CWC27: variants seen among roughly 807,000 people sequenced by gnomAD.
CWC27 encodes the protein spliceosome-associated protein CWC27 homolog.
Under a neutral mutation model 63.6 loss-of-function variants are expected in CWC27, and 47 were observed. The ratio of observed to expected loss-of-function variants is 0.74; its 90% CI spans 0.58 to 0.94. CWC27 has a LOEUF of 0.94. Ranked by LOEUF, CWC27 falls within the 40% of genes least tolerant of loss-of-function variation. CWC27 has a pLI of 0.00. For synonymous variants in CWC27, 175 were observed against 179.8 expected (o/e 0.97, Z 0.22); for missense variants, 495 against 554.3 (o/e 0.89, Z 1.07).
chr5:64,971,774 A>G lies in CWC27; in HGVS notation c.1114A>G (p.Lys372Glu). Residue 372 changes from lysine to glutamate, a missense_variant, in exon 12 of 14, where the codon AAG (lysine) becomes GAG (glutamate). Coordinates refer to ENST00000381070, the MANE Select transcript of CWC27 (RefSeq NM_005869.4). ...REKQKYEALR[K>E]QQSKKGTSRE... ...AAAGCAAAAGTATGAAGCTTTGAGG[A>G]AGCAACAGTCAAAGAAGGGAACTTC... is the stretch of plus-strand genomic sequence containing the variant. 6.2e-7 allele frequency: 1 copy of G among 1,611,872 alleles called. No homozygotes were observed. Among genetic ancestry groups the G allele is most frequent in the Non-Finnish European group, 8.5e-7 (1 of 1,179,102 alleles).
intron 10 of CWC27, among the ~76,000 whole-genome samples, chr5:64,807,150 C>A (rs1265170474): frequency 6.6e-6 from 1 of 152,184 alleles, no homozygotes; most frequent in Non-Finnish European, 1.5e-5. Flanking sequence ...TTTGGTCATT[C>A]TTCCATTTAA....
chr5:64,953,398 C>T (rs1748746853), intron 11 of CWC27, among the ~76,000 whole-genome samples: 2 of 152,030 alleles, frequency 1.3e-5, no homozygotes, highest in South Asian at 4.1e-4. Flanking sequence ...AGTGACAGAG[C>T]TTGGAATAGA....
At chr5:64,825,090 T>A (rs1444983715) in intron 10 of CWC27, among the ~76,000 whole-genome samples, 1 of 152,116 alleles carries the variant, frequency 6.6e-6, no homozygotes, top group Non-Finnish European at 1.5e-5. Context: ...TGTGGATACA[T>A]TTAAGAAGTA....
chr5:64,864,413 T>C (rs981122831), intron 10 of CWC27, among the ~76,000 whole-genome samples: 11 of 152,132 alleles, frequency 7.2e-5, no homozygotes, highest in Non-Finnish European at 1.0e-4. Flanking sequence ...GTTTCTGAAG[T>C]GGGTGGCAGT....
At chr5:64,929,048 T>A (rs1016665921) in intron 11 of CWC27, among the ~76,000 whole-genome samples, 1 of 151,964 alleles carries the variant, frequency 6.6e-6, no homozygotes, top group Non-Finnish European at 1.5e-5. Context: ...TAATAATACA[T>A]GTGTTGATGT....
chr5:64,970,958 A>AGTGTGTGTGTGTGTGTGTGT (rs57958257), intron 11 of CWC27, among the ~76,000 whole-genome samples: 1 of 143,410 alleles, frequency 7.0e-6, no homozygotes, highest in Non-Finnish European at 1.5e-5. Flanking sequence ...AGAGAGAGGG[A>AGTGTGTGTGTGTGTGTGTGT]GTGTGTGTGT....
intron 11 of CWC27, among the ~76,000 whole-genome samples, chr5:64,889,179 A>G (rs1747159889): frequency 6.6e-6 from 1 of 152,208 alleles, no homozygotes; most frequent in South Asian, 2.1e-4. Flanking sequence ...CATGGCAAAT[A>G]AATGCAGTTC....
At chr5:64,879,954 C>T (rs1365155594) in intron 10 of CWC27, among the ~76,000 whole-genome samples, 3 of 151,896 alleles carry the variant, frequency 2.0e-5, no homozygotes, top group African/African-American at 7.2e-5. Context: ...TATACAATAG[C>T]CAAATACCTT....
chr5:64,891,734 G>A (rs1747241687), intron 11 of CWC27, among the ~76,000 whole-genome samples: 1 of 151,822 alleles, frequency 6.6e-6, no homozygotes, highest in African/African-American at 2.4e-5. Context: ...TTAAATTCTG[G>A]GTCATCTTGC....
Position 65,018,383 on chromosome 5 carries a change from A to G in CWC27, c.*62A>G, listed in dbSNP as rs573061191. 394 of 1,416,094 alleles carry G rather than the reference A, an allele frequency of 2.8e-4. No homozygotes were observed. Among genetic ancestry groups the G allele is most frequent in the Non-Finnish European group, 3.5e-4 (365 of 1,042,190 alleles). 87.7% of individuals were successfully genotyped at this position (1,416,094 alleles called of 1,614,324 possible). On this transcript the variant is annotated 3_prime_UTR_variant, in exon 14 of 14. Coordinates refer to ENST00000381070, the MANE Select transcript of CWC27 (RefSeq NM_005869.4). ...TGCCTACAATGGCCTTGTAACAGCC[A>G]TTGTTCCCAACAGCATCACTTAGGG...
intron 11 of CWC27, among the ~76,000 whole-genome samples, chr5:64,964,267 G>A (rs1030026650): frequency 1.3e-5 from 2 of 152,146 alleles, no homozygotes; most frequent in Non-Finnish European, 2.9e-5. Context: ...TCTTATGGAT[G>A]GAATTGATGG....
chr5:64,983,983 C>A (rs1392989592), intron 13 of CWC27, among the ~76,000 whole-genome samples: 2 of 151,954 alleles, frequency 1.3e-5, no homozygotes, highest in Non-Finnish European at 2.9e-5. Flanking sequence ...AGGTGCGCAC[C>A]ACCACGCCCG....
Position 64,986,146 on chromosome 5 carries a change from T to C in CWC27, c.1256+8908T>C, listed in dbSNP as rs564610926. On this transcript the variant is annotated intron_variant, in intron 13 of 13. Transcript: ENST00000381070. Reference sequence around the variant, plus strand: ...CTCCCCTTCCAACATGATTGTAAGTTTCCTGAGGCCTCCCCAGCCATGTGG... The same window carrying C: ...CTCCCCTTCCAACATGATTGTAAGTCTCCTGAGGCCTCCCCAGCCATGTGG... 4.6e-5 allele frequency among the ~76,000 whole-genome samples: 7 copies of C among 152,312 alleles called. No homozygotes were observed. In the South Asian group the frequency reaches 1.4e-3, roughly 32 times the overall value.
intron 10 of CWC27, among the ~76,000 whole-genome samples, chr5:64,868,954 A>G (rs1263799941): frequency 6.6e-6 from 1 of 151,962 alleles, no homozygotes; most frequent in Admixed American, 6.6e-5. Context: ...TAAAAATAAC[A>G]TCCCTTTAGA....
chr5:65,007,713 C>T (rs530600697), intron 13 of CWC27, among the ~76,000 whole-genome samples: 1 of 151,624 alleles, frequency 6.6e-6, no homozygotes, highest in African/African-American at 2.4e-5. Context: ...CTGCAAGCTT[C>T]GCCTCCCGGA....
At chr5:65,014,259 A>G (rs1580783009) in intron 13 of CWC27, among the ~76,000 whole-genome samples, 2 of 147,902 alleles carry the variant, frequency 1.4e-5, no homozygotes, top group East Asian at 3.9e-4. Flanking sequence ...TATATGATAT[A>G]TATAATATAT....
At chr5:64,839,730 T>C (rs1052556099) in intron 10 of CWC27, among the ~76,000 whole-genome samples, 4 of 152,160 alleles carry the variant, frequency 2.6e-5, no homozygotes, top group East Asian at 1.9e-4. Flanking sequence ...CTTAATGAGA[T>C]AGATTACAGT....
At chr5:64,831,152 G>C (rs1323450456) in intron 10 of CWC27, among the ~76,000 whole-genome samples, 1 of 152,008 alleles carries the variant, frequency 6.6e-6, no homozygotes, top group East Asian at 1.9e-4. Flanking sequence ...TCAAACCTGT[G>C]ATAGTTTTCT....
In CWC27 at chr5:64,799,369, T is replaced by C. The variant is rs909882595; in HGVS notation, c.670-879T>C. Among the ~76,000 whole-genome samples, 128 of 151,868 alleles carry C rather than the reference T, an allele frequency of 8.4e-4. 2 individuals carry two copies. Among genetic ancestry groups the C allele is most frequent in the Non-Finnish European group, 1.7e-3 (115 of 67,940 alleles). On this transcript the variant is annotated intron_variant, in intron 7 of 13. Coordinates refer to ENST00000381070, the MANE Select transcript of CWC27 (RefSeq NM_005869.4). ...TTGGGAGGCTGAGGCGGGCAGATCATGAGGTCAGGAGATCAAGACCATCCT... is the reference window on the plus strand; with the variant it reads ...TTGGGAGGCTGAGGCGGGCAGATCACGAGGTCAGGAGATCAAGACCATCCT...
Sources: allele counts gnomAD v4.1 joint callset (sites outside exome capture counted in the v4.1 genomes callset), GRCh38; gene constraint gnomAD v4.1.1; transcripts MANE v1.5; gene names NCBI Gene and HGNC (gene_info 2026-07-23, HGNC 2026-07-21).